DNAJC16: variants seen among roughly 807,000 people sequenced by gnomAD.
DNAJC16 encodes the protein dnaJ homolog subfamily C member 16.
Under a neutral mutation model 92.7 loss-of-function variants are expected in DNAJC16, and 76 were observed. That is an observed-to-expected ratio of 0.82 (90% CI 0.68 to 0.99). DNAJC16 has a LOEUF of 0.99. Among genes scored for constraint, DNAJC16 ranks in the 50% least tolerant of loss-of-function variants. DNAJC16 has a pLI of 0.00. For missense variants in DNAJC16, 869 were observed against 942.4 expected, an observed-to-expected ratio of 0.92 and a Z score of 1.02; for synonymous variants, 328 against 358.7, an observed-to-expected ratio of 0.91 and a Z score of 0.97.
At chr1:15,543,006 C>T (rs1710968122) in intron 4 of DNAJC16, among the ~76,000 whole-genome samples, 1 of 152,182 alleles carries the variant, frequency 6.6e-6, no homozygotes, top group South Asian at 2.1e-4. Flanking sequence ...TCTCTCACAA[C>T]TTCAGTGTGC....
In DNAJC16 at chr1:15,568,004, T is replaced by C; in HGVS notation, c.2176T>C (p.Cys726Arg). 6.2e-7 allele frequency: 1 copy of C among 1,614,210 alleles called. No individual in the cohort carries two copies. Among genetic ancestry groups the C allele is most frequent in the Non-Finnish European group, 8.5e-7 (1 of 1,180,042 alleles). ...CGAAGAGGAGGAAGCCATAGGGTCG[T>C]GCAGTGATGTTGACTCTTCCCTCTA... ...TVEEEEAIGSCSDVDSSLYLG... is the reference protein window; with the variant it reads ...TVEEEEAIGSRSDVDSSLYLG... Residue 726 changes from cysteine to arginine, a missense_variant, in exon 15 of 15, where the codon TGC (cysteine) becomes CGC (arginine). By Grantham distance (180) the Cys-to-Arg change is radical. Coordinates refer to ENST00000375847, the MANE Select transcript of DNAJC16 (RefSeq NM_015291.4).
rs779283338 is a variant in DNAJC16 at position 15,528,547 on chromosome 1, TAC to T, written c.-18-537_-18-536del. Among the ~76,000 whole-genome samples, 10 of 152,360 alleles carry T rather than the reference TAC, an allele frequency of 6.6e-5. No individual in the cohort carries two copies. The East Asian group carries it at 7.7e-4, about 12-fold the overall frequency. On this transcript the variant is annotated intron_variant, in intron 1 of 14. Coordinates refer to ENST00000375847, the MANE Select transcript of DNAJC16 (RefSeq NM_015291.4). ...GAATTGAGGCATACTGCGTCTTAAC[TAC>T]ACAGTTTTTTGAGAGTGTTTCACGT...
intron 7 of DNAJC16, among the ~76,000 whole-genome samples, chr1:15,553,381 A>C (rs1638492504): frequency 6.6e-6 from 1 of 150,720 alleles, no homozygotes; most frequent in African/African-American, 2.4e-5. Flanking sequence ...ATGTAGGCAC[A>C]CTCCACCACG....
chr1:15,540,195 G>A (rs1428519693), intron 4 of DNAJC16, among the ~76,000 whole-genome samples: 1 of 152,036 alleles, frequency 6.6e-6, no homozygotes, highest in Non-Finnish European at 1.5e-5. Flanking sequence ...GCATGGTGGT[G>A]TGTGCCTGTA....
At chr1:15,532,157 G>A (rs1429808526) in intron 2 of DNAJC16, among the ~76,000 whole-genome samples, 1 of 152,194 alleles carries the variant, frequency 6.6e-6, no homozygotes, top group African/African-American at 2.4e-5. Context: ...TGGCAGATTG[G>A]TGTGACGTGG....
rs918123731 is a variant in DNAJC16, at chr1:15,569,569, A to G, written c.*1392A>G. On this transcript the variant is annotated 3_prime_UTR_variant, in exon 15 of 15. Coordinates refer to ENST00000375847, the MANE Select transcript of DNAJC16 (RefSeq NM_015291.4). ...GAGTGGTCCGTTCAAATGTCAAAGC[A>G]AGGTGCCTTTGGTGGCTTTGTGAAG... is the stretch of plus-strand genomic sequence containing the variant. 17 of 151,914 alleles carry G rather than the reference A, an allele frequency of 1.1e-4. No individual in the cohort carries two copies. 9.4% of individuals were successfully genotyped at this position (151,914 alleles called of 1,614,324 possible).
chr1:15,559,199 A>G (rs982035416), intron 7 of DNAJC16, among the ~76,000 whole-genome samples: 1 of 152,124 alleles, frequency 6.6e-6, no homozygotes, highest in East Asian at 1.9e-4. Context: ...CAGCCTCCCA[A>G]AGTTCTAGGA....
chr1:15,554,591 GT>G (rs1423708631), intron 7 of DNAJC16, among the ~76,000 whole-genome samples: 1 of 151,858 alleles, frequency 6.6e-6, no homozygotes, highest in Non-Finnish European at 1.5e-5. Context: ...TTGGGGAAAG[GT>G]TTTTTTTCCT....
At chr1:15,532,092 A>G (rs17415991) in intron 2 of DNAJC16, among the ~76,000 whole-genome samples, 2,053 of 152,334 alleles carry the variant, frequency 0.013, 20 homozygotes, top group Non-Finnish European at 0.023. Flanking sequence ...TATCGTAGGT[A>G]CTTTTTGTTT....
intron 6 of DNAJC16, 41 bp downstream of exon 6, chr1:15,546,912 TTTC>T (rs766418403): frequency 3.7e-6 from 5 of 1,350,700 alleles, no homozygotes; most frequent in East Asian, 2.5e-5. Flanking sequence ...TTTCTTTTCT[TTTC>T]TTTTTTTTTT....
intron 9 of DNAJC16, among the ~76,000 whole-genome samples, chr1:15,563,623 C>T (rs191888698): frequency 0.012 from 1,593 of 134,984 alleles, 32 homozygotes; most frequent in African/African-American, 0.042. Context: ...GTCAGGAGAT[C>T]GAGACCATCC....
chr1:15,531,900 T>C (rs1475322176), intron 2 of DNAJC16, among the ~76,000 whole-genome samples: 1 of 152,256 alleles, frequency 6.6e-6, no homozygotes, highest in African/African-American at 2.4e-5. Context: ...CCAGTTTGAC[T>C]TTTCAGAATG....
intron 5 of DNAJC16, among the ~76,000 whole-genome samples, chr1:15,546,090 A>G (rs2103413427): frequency 6.6e-6 from 1 of 152,236 alleles, no homozygotes; most frequent in Middle Eastern, 3.4e-3. Flanking sequence ...GCATCGCTTG[A>G]GTCCATAAGT....
At chr1:15,563,060 T>C (rs976139240) in intron 9 of DNAJC16, among the ~76,000 whole-genome samples, 2 of 151,726 alleles carry the variant, frequency 1.3e-5, no homozygotes, top group Non-Finnish European at 2.9e-5. Context: ...TGCATTGTCA[T>C]CACTTCCTAC....
chr1:15,539,481 C>T (rs796624219), intron 4 of DNAJC16, among the ~76,000 whole-genome samples: 49 of 151,946 alleles, frequency 3.2e-4, no homozygotes, highest in African/African-American at 1.1e-3. Flanking sequence ...CTCCTGACCT[C>T]GTGATCCGCC....
At chr1:15,547,705 G>T (rs1638344916) in intron 6 of DNAJC16, among the ~76,000 whole-genome samples, 2 of 151,926 alleles carry the variant, frequency 1.3e-5, no homozygotes, top group South Asian at 4.2e-4. Context: ...GCCTCCCAAA[G>T]TGCTGGGATT....
intron 3 of DNAJC16, among the ~76,000 whole-genome samples, chr1:15,535,897 T>C (rs1021656867): frequency 6.6e-6 from 1 of 151,278 alleles, no homozygotes; most frequent in Non-Finnish European, 1.5e-5. Context: ...CCCAAGTAGC[T>C]AGGACTATAG....
At chr1:15,531,215 T>C (rs1710652465) in intron 2 of DNAJC16, among the ~76,000 whole-genome samples, 2 of 152,232 alleles carry the variant, frequency 1.3e-5, no homozygotes, top group Admixed American at 6.5e-5. Context: ...ATTGAGGTGA[T>C]GCATGGTACA....
intron 3 of DNAJC16, 89 bp downstream of exon 3, chr1:15,534,392 C>T: frequency 2.3e-6 from 3 of 1,301,114 alleles, no homozygotes; most frequent in South Asian, 2.5e-5. Context: ...TCAGAAAGGT[C>T]ATGTTCCCCA....
Sources: gnomAD v4.1 joint callset for allele counts (sites outside exome capture counted in the v4.1 genomes callset) on GRCh38, gnomAD v4.1.1 for gene constraint, MANE v1.5 for transcripts, NCBI Gene and HGNC (gene_info 2026-07-23, HGNC 2026-07-21) for gene names.